FTO: variants seen among roughly 807,000 people sequenced by gnomAD.
FTO encodes FTO alpha-ketoglutarate dependent dioxygenase.
Under a neutral mutation model 63.9 loss-of-function variants are expected in FTO, and 47 were observed. The ratio of observed to expected loss-of-function variants is 0.74; its 90% CI spans 0.58 to 0.94. The LOEUF is 0.94. Among genes scored for constraint, FTO ranks in the 40% least tolerant of loss-of-function variants. FTO has a pLI of 0.00. For missense variants in FTO, 562 were observed against 618.1 expected, an observed-to-expected ratio of 0.91 and a Z score of 0.96; for synonymous variants, 207 against 224.4, an observed-to-expected ratio of 0.92 and a Z score of 0.69.
chr16:53,934,123 T>G lies in FTO; in HGVS notation c.1364+14T>G. 1 of 1,614,044 alleles carries G rather than the reference T, an allele frequency of 6.2e-7. No homozygotes were observed. Among genetic ancestry groups the G allele is most frequent in the Non-Finnish European group, 8.5e-7 (1 of 1,179,912 alleles). ...ATGGCATGCCAGGTTAGTTCTGTTG[T>G]GAAATGGGATTTGTTGTTCTTGACA... is the stretch of plus-strand genomic sequence containing the variant. On this transcript the variant is annotated intron_variant, in intron 8 of 8. Coordinates refer to ENST00000471389, the MANE Select transcript of FTO (RefSeq NM_001080432.3).
intron 1 of FTO, among the ~76,000 whole-genome samples, chr16:53,741,508 G>T: frequency 6.6e-6 from 1 of 152,174 alleles, no homozygotes; most frequent in Middle Eastern, 3.4e-3. Flanking sequence ...AATAATAATA[G>T]TAGTAGTAGT....
At chr16:53,869,967 A>C (rs1044157692) in intron 4 of FTO, among the ~76,000 whole-genome samples, 1 of 152,162 alleles carries the variant, frequency 6.6e-6, no homozygotes, top group Non-Finnish European at 1.5e-5. Flanking sequence ...GAGGAACTGC[A>C]GTAATAATGT....
intron 8 of FTO, among the ~76,000 whole-genome samples, chr16:54,030,774 C>T (rs1471448141): frequency 6.6e-6 from 1 of 152,100 alleles, no homozygotes; most frequent in African/African-American, 2.4e-5. Flanking sequence ...AAAAGTAAAA[C>T]TCTAATAAAG....
At chr16:53,903,383 C>G (rs747945722) in intron 7 of FTO, among the ~76,000 whole-genome samples, 6 of 151,942 alleles carry the variant, frequency 3.9e-5, no homozygotes, top group Non-Finnish European at 7.4e-5. Context: ...CTCAGCCTCC[C>G]GAGTCGCTGG....
chr16:53,937,692 CCT>C (rs937343385), intron 8 of FTO: 3 of 155,228 alleles, frequency 1.9e-5, no homozygotes, highest in African/African-American at 4.8e-5. Context: ...CTTTTCTCCC[CCT>C]CTTTCCCTAC....
chr16:54,004,182 G>A (rs1278961521), intron 8 of FTO, among the ~76,000 whole-genome samples: 2 of 152,130 alleles, frequency 1.3e-5, no homozygotes, highest in African/African-American at 4.8e-5. Context: ...GAAAATGCTT[G>A]ATGATTTTTA....
intron 1 of FTO, among the ~76,000 whole-genome samples, chr16:53,794,236 T>C (rs777914475): frequency 1.3e-5 from 2 of 152,230 alleles, no homozygotes; most frequent in Non-Finnish European, 2.9e-5. Context: ...AAAGAAGTCA[T>C]CTGTGCCTTC....
intron 7 of FTO, among the ~76,000 whole-genome samples, chr16:53,907,542 C>T (rs566844139): frequency 4.6e-5 from 7 of 152,250 alleles, no homozygotes; most frequent in African/African-American, 1.7e-4. Context: ...ATAGCTTTTG[C>T]ACCCTAGTAA....
At chr16:54,026,292 C>T (rs1184670063) in intron 8 of FTO, among the ~76,000 whole-genome samples, 4 of 152,126 alleles carry the variant, frequency 2.6e-5, no homozygotes, top group Non-Finnish European at 4.4e-5. Flanking sequence ...GTTTCCCTCA[C>T]GGTCACAAAA....
Position 53,984,321 on chromosome 16 carries a change from CTTTTTTTTTTT to C in FTO, c.1364+50229_1364+50239del, listed in dbSNP as rs5816913. Among the ~76,000 whole-genome samples the C allele has an allele frequency of 2.1e-4, 14 of 67,316 alleles. No homozygotes were observed. In the South Asian group the frequency reaches 2.5e-3, roughly 12 times the overall value. 44.2% of individuals were successfully genotyped at this position (67,316 alleles called of 152,430 possible). On this transcript the variant is annotated intron_variant, in intron 8 of 8. Coordinates refer to ENST00000471389, the MANE Select transcript of FTO (RefSeq NM_001080432.3). ...CCTCTATCCCTCCCTTGGAATGGGT[CTTTTTTTTTTT>C]TTTTTTTTTTTTTTTTGACTCACTC...
chr16:54,038,647 A>C (rs1254464138), intron 8 of FTO, among the ~76,000 whole-genome samples: 1 of 152,136 alleles, frequency 6.6e-6, no homozygotes, highest in African/African-American at 2.4e-5. Context: ...TGCAGTAATG[A>C]GTGAGTTCTC....
At chr16:53,736,657 TTC>T (rs2076397195) in intron 1 of FTO, among the ~76,000 whole-genome samples, 1 of 152,220 alleles carries the variant, frequency 6.6e-6, no homozygotes, top group Admixed American at 6.5e-5. Flanking sequence ...TTTTGCCAAT[TTC>T]TGTTTCACAT....
chr16:53,968,316 G>C (rs1012407799), intron 8 of FTO, among the ~76,000 whole-genome samples: 18 of 152,148 alleles, frequency 1.2e-4, no homozygotes, highest in Non-Finnish European at 2.4e-4. Flanking sequence ...TTTGGTATCT[G>C]GGGTATCAGT....
chr16:54,101,854 T>C (rs577626142), intron 8 of FTO, among the ~76,000 whole-genome samples: 19 of 152,320 alleles, frequency 1.2e-4, no homozygotes, highest in Middle Eastern at 3.4e-3. Context: ...ATAATAGCCA[T>C]TCTGACTGGT....
chr16:54,102,889 A>G (rs1264598757), intron 8 of FTO, among the ~76,000 whole-genome samples: 2 of 152,090 alleles, frequency 1.3e-5, no homozygotes, highest in Admixed American at 1.3e-4. Flanking sequence ...ATGGTGGCTT[A>G]TGCTTGTAAT....
intron 2 of FTO, among the ~76,000 whole-genome samples, chr16:53,816,126 G>A (rs1462248058): frequency 1.3e-5 from 2 of 152,008 alleles, no homozygotes; most frequent in African/African-American, 4.8e-5. Flanking sequence ...TTTTCTGTCT[G>A]GTGAGCATCT....
At chr16:53,953,735 G>A (rs182878936) in intron 8 of FTO, among the ~76,000 whole-genome samples, 51 of 152,312 alleles carry the variant, frequency 3.3e-4, no homozygotes, top group African/African-American at 1.1e-3. Flanking sequence ...AATCCAGCAT[G>A]AAGGGGCTTT....
intron 1 of FTO, among the ~76,000 whole-genome samples, chr16:53,793,983 CCTAA>C (rs967984166): frequency 1.3e-5 from 2 of 152,202 alleles, no homozygotes; most frequent in Admixed American, 6.5e-5. Flanking sequence ...AGTTACTCAT[CCTAA>C]CTAACAATCA....
chr16:53,938,484 T>G (rs1232825494), intron 8 of FTO, among the ~76,000 whole-genome samples: 1 of 152,234 alleles, frequency 6.6e-6, no homozygotes, highest in Non-Finnish European at 1.5e-5. Flanking sequence ...TCTGTTCTTT[T>G]GCAGAGATGA....
Sources: gnomAD v4.1 joint callset for allele counts (sites outside exome capture counted in the v4.1 genomes callset) on GRCh38, gnomAD v4.1.1 for gene constraint, MANE v1.5 for transcripts, NCBI Gene and HGNC (gene_info 2026-07-23, HGNC 2026-07-21) for gene names.